BAALC: variants seen among roughly 807,000 people sequenced by gnomAD.
BAALC encodes the protein brain and acute leukemia cytoplasmic protein.
In BAALC, 9 loss-of-function variants were observed where a neutral mutation model predicts 15.5. The ratio of observed to expected loss-of-function variants is 0.58; its 90% CI spans 0.35 to 1.02. BAALC has a LOEUF of 1.02. Ranked by LOEUF, BAALC falls within the 50% of genes least tolerant of loss-of-function variation. The pLI is 0.02. For missense variants in BAALC, 201 were observed against 192.4 expected, an observed-to-expected ratio of 1.04 and a Z score of -0.27; for synonymous variants, 80 against 74.6, an observed-to-expected ratio of 1.07 and a Z score of -0.37.
chr8:103,196,048 C>A (rs994065178), intron 1 of BAALC, among the ~76,000 whole-genome samples: 1 of 152,086 alleles, frequency 6.6e-6, no homozygotes, highest in Non-Finnish European at 1.5e-5. Flanking sequence ...ATTGGGAGAG[C>A]CTTCAGAGTA....
intron 1 of BAALC, among the ~76,000 whole-genome samples, chr8:103,142,474 T>C (rs533226076): frequency 6.6e-6 from 1 of 152,298 alleles, no homozygotes; most frequent in Admixed American, 6.5e-5. Flanking sequence ...TGAGGATAGA[T>C]ATGAGCCTTT....
chr8:103,185,975 T>C (rs1386473172), intron 1 of BAALC, among the ~76,000 whole-genome samples: 1 of 152,186 alleles, frequency 6.6e-6, no homozygotes, highest in African/African-American at 2.4e-5. Flanking sequence ...ATTTGTCTTC[T>C]CTGCTTGTTC....
intron 1 of BAALC, among the ~76,000 whole-genome samples, chr8:103,142,438 T>C (rs1810798462): frequency 6.6e-6 from 1 of 152,110 alleles, no homozygotes; most frequent in South Asian, 2.1e-4. Flanking sequence ...CACCAAATGG[T>C]GTGTTGGCTG....
chr8:103,180,334 G>A (rs1399955286), intron 1 of BAALC, among the ~76,000 whole-genome samples: 1 of 152,172 alleles, frequency 6.6e-6, no homozygotes, highest in East Asian at 1.9e-4. Flanking sequence ...CTGCATGAAT[G>A]GCACCCAGGA....
intron 1 of BAALC, among the ~76,000 whole-genome samples, chr8:103,154,158 A>G (rs1586376178): frequency 6.6e-6 from 1 of 152,188 alleles, no homozygotes; most frequent in African/African-American, 2.4e-5. Context: ...TGTGGCTTCC[A>G]TTAATTGGGT....
At position 103,140,857 on chromosome 8, in the gene BAALC, G is replaced by T. The variant is rs1365574511; in HGVS notation, c.-41G>T. 2.1e-6 allele frequency: 3 copies of T among 1,450,358 alleles called. No homozygotes were observed. The highest frequency in any genetic ancestry group is 3.0e-5 in the African/African-American group (2 of 67,168). The allele number at this position is 1,450,358 out of a possible 1,614,324, so 89.8% of individuals were successfully genotyped here. The stretch of plus-strand genomic sequence containing the variant: ...CCGGGGCTGAGCCGCCGCCAGAGCC[G>T]ACAGCCGAGCAGCCGCTGGGCGCTC... On this transcript the variant is annotated 5_prime_UTR_variant, in exon 1 of 3. Transcript: ENST00000309982. This position sits in a 1 kb window ranked among gnomAD's most constrained non-coding sequence, Gnocchi z 4.2.
Position 103,228,298 on chromosome 8 carries a change from G to T in BAALC, c.*199G>T. 1 of 555,172 alleles carries T rather than the reference G, an allele frequency of 1.8e-6. No individual in the cohort carries two copies. The highest frequency in any genetic ancestry group is 3.2e-6 in the Non-Finnish European group (1 of 312,270). 34.4% of individuals were successfully genotyped at this position (555,172 alleles called of 1,614,324 possible). A position where few individuals can be genotyped will look rare whatever the true frequency, so the allele number is the denominator to read the frequency against. ...TGAGCCTTCTACTTATCATGTAAAT[G>T]TATTGGCACAGTGCTTACATATGTT... On this transcript the variant is annotated 3_prime_UTR_variant, in exon 3 of 3. Transcript: ENST00000309982.
At chr8:103,141,120 ACTGAGAGAGGAGCCGGTTCC>A in intron 1 of BAALC, 63 bp downstream of exon 1, 1 of 1,375,162 alleles carries the variant, frequency 7.3e-7, no homozygotes, top group Non-Finnish European at 9.4e-7. Flanking sequence ...TGGCCCGGGC[ACTGAGAGAGGAGCCGGTTCC>A]CTGAGGAATT....
chr8:103,158,738 A>G (rs1811157479), intron 1 of BAALC, among the ~76,000 whole-genome samples: 2 of 152,198 alleles, frequency 1.3e-5, no homozygotes, highest in African/African-American at 4.8e-5. Context: ...ACAAAGCAGG[A>G]CAGCAAGATA....
chr8:103,140,873 C>T lies in BAALC; in HGVS notation c.-25C>T. Reference sequence around the variant, plus strand: ...GCCAGAGCCGACAGCCGAGCAGCCGCTGGGCGCTCCCGCGGCGCAGGAGGA... The same window carrying T: ...GCCAGAGCCGACAGCCGAGCAGCCGTTGGGCGCTCCCGCGGCGCAGGAGGA... On this transcript the variant is annotated 5_prime_UTR_variant, in exon 1 of 3. Transcript: ENST00000309982. The surrounding 1 kb of genome is among the most constrained non-coding windows in gnomAD (Gnocchi z 4.2). 1 of 1,482,544 alleles carries T rather than the reference C, an allele frequency of 6.7e-7. No homozygotes were observed. The highest frequency in any genetic ancestry group is 1.3e-5 in the South Asian group (1 of 77,592). The allele number at this position is 1,482,544 out of a possible 1,614,324, so 91.8% of individuals were successfully genotyped here.
At chr8:103,165,965 T>C (rs1175108387) in intron 1 of BAALC, 1 of 152,246 alleles carries the variant, frequency 6.6e-6, no homozygotes, top group Non-Finnish European at 1.5e-5. Context: ...TGTGACTGTC[T>C]CTTCCCGTGT....
chr8:103,198,686 C>T (rs2130024409), intron 1 of BAALC, among the ~76,000 whole-genome samples: 1 of 152,060 alleles, frequency 6.6e-6, no homozygotes, highest in Non-Finnish European at 1.5e-5. Flanking sequence ...GGCAGATTAC[C>T]TGAGGTCAGG....
chr8:103,208,071 A>C (rs1205154559), intron 1 of BAALC: 1 of 151,858 alleles, frequency 6.6e-6, no homozygotes, highest in East Asian at 1.9e-4. Flanking sequence ...GTTTCATCAT[A>C]CTCAGTAAGC....
intron 2 of BAALC, among the ~76,000 whole-genome samples, chr8:103,225,116 T>C (rs1812775246): frequency 6.6e-6 from 1 of 152,218 alleles, no homozygotes; most frequent in South Asian, 2.1e-4. Context: ...CTAGTGCCAG[T>C]TCAGGCTCAG....
chr8:103,193,045 CT>C (rs1447862330), intron 1 of BAALC, among the ~76,000 whole-genome samples: 1 of 151,682 alleles, frequency 6.6e-6, no homozygotes, highest in African/African-American at 2.4e-5. Flanking sequence ...CTGCAACCCC[CT>C]GGTCTGTTTT....
chr8:103,218,620 C>A (rs1442960901), intron 2 of BAALC, among the ~76,000 whole-genome samples: 1 of 151,954 alleles, frequency 6.6e-6, no homozygotes, highest in Non-Finnish European at 1.5e-5. Context: ...TATATGTGGC[C>A]ATAGCTCAAG....
chr8:103,226,501 A>AT (rs1285225650), intron 2 of BAALC, among the ~76,000 whole-genome samples: 1 of 152,152 alleles, frequency 6.6e-6, no homozygotes, highest in African/African-American at 2.4e-5. Flanking sequence ...TGGGCAGCAA[A>AT]TAACTGTGTC....
At chr8:103,178,506 A>G (rs1811652234) in intron 1 of BAALC, among the ~76,000 whole-genome samples, 1 of 152,212 alleles carries the variant, frequency 6.6e-6, no homozygotes, top group South Asian at 2.1e-4. Context: ...ATTAGAAAAG[A>G]GCACACAGAT....
chr8:103,216,657 G>A (rs1277804440), intron 2 of BAALC, among the ~76,000 whole-genome samples: 1 of 152,088 alleles, frequency 6.6e-6, no homozygotes, highest in Non-Finnish European at 1.5e-5. Flanking sequence ...TTAATTATTT[G>A]CAGAGAGGAG....
Sources: gnomAD v4.1 joint callset for allele counts (sites outside exome capture counted in the v4.1 genomes callset) on GRCh38, gnomAD v4.1.1 for gene constraint, Gnocchi (gnomAD v3.1) non-coding constraint, MANE v1.5 for transcripts, NCBI Gene and HGNC (gene_info 2026-07-23, HGNC 2026-07-21) for gene names.